Variants in ZBTB20 observed in about 807,000 individuals in gnomAD.
The protein encoded by ZBTB20 is zinc finger and BTB domain-containing protein 20.
Under a neutral mutation model 56.9 loss-of-function variants are expected in ZBTB20, and 9 were observed. The ratio of observed to expected loss-of-function variants is 0.16; its 90% CI spans 0.10 to 0.28. ZBTB20 has a LOEUF of 0.28. Ranked by LOEUF, ZBTB20 falls within the 10% of genes least tolerant of loss-of-function variation. The pLI, the probability that ZBTB20 is intolerant of heterozygous loss-of-function variation, is 1.00. For missense variants in ZBTB20, 655 were observed against 1,003.0 expected, an observed-to-expected ratio of 0.65 and a Z score of 4.69; for synonymous variants, 417 against 420.7, an observed-to-expected ratio of 0.99 and a Z score of 0.11.
At chr3:114,344,994 A>G (rs990507477) in intron 11 of ZBTB20, among the ~76,000 whole-genome samples, 6 of 152,200 alleles carry the variant, frequency 3.9e-5, no homozygotes, top group African/African-American at 9.7e-5. Flanking sequence ...AAAAAACACG[A>G]AAGTGTGAAC....
chr3:115,002,525 G>A (rs2079294965), intron 2 of ZBTB20, among the ~76,000 whole-genome samples: 1 of 151,592 alleles, frequency 6.6e-6, no homozygotes, highest in Admixed American at 6.6e-5. Context: ...TGATTAAAAT[G>A]TGAGCAAAAG....
intron 6 of ZBTB20, among the ~76,000 whole-genome samples, chr3:114,629,225 G>A (rs2058804076): frequency 6.6e-6 from 1 of 151,988 alleles, no homozygotes; most frequent in African/African-American, 2.4e-5. Context: ...TTTCCCATTT[G>A]TAAAATAGGG....
intron 6 of ZBTB20, among the ~76,000 whole-genome samples, chr3:114,595,529 G>A (rs1372889156): frequency 1.3e-5 from 2 of 152,202 alleles, no homozygotes; most frequent in Middle Eastern, 3.2e-3. Context: ...TCAAGATTGA[G>A]ATCCATCCAA....
At chr3:114,975,699 T>G (rs928181514) in intron 2 of ZBTB20, among the ~76,000 whole-genome samples, 1 of 152,094 alleles carries the variant, frequency 6.6e-6, no homozygotes, top group Non-Finnish European at 1.5e-5. Context: ...GAACAATTAA[T>G]GATGAAGAAA....
chr3:114,331,512 C>T lies in ZBTB20; in HGVS notation c.*7493G>A, dbSNP rs549781325. 2.6e-5 allele frequency: 4 copies of T among 152,318 alleles called. No homozygotes were observed. The South Asian group carries it at 8.3e-4, about 32-fold the overall frequency. The allele number at this position is 152,318 out of a possible 1,614,324, so 9.4% of individuals were successfully genotyped here. On this transcript the variant is annotated 3_prime_UTR_variant, in exon 12 of 12. Coordinates refer to ENST00000675478, the MANE Select transcript of ZBTB20 (RefSeq NM_001348800.3). ...CAACTGTATCTATGCACGAGGACCTCTGCCTGTGTGTGCTTCCTTTGGGGG... is the reference window on the plus strand; with the variant it reads ...CAACTGTATCTATGCACGAGGACCTTTGCCTGTGTGTGCTTCCTTTGGGGG...
chr3:114,350,031 C>T (rs1230048351), intron 11 of ZBTB20, among the ~76,000 whole-genome samples: 1 of 152,060 alleles, frequency 6.6e-6, no homozygotes, highest in Non-Finnish European at 1.5e-5. Flanking sequence ...CTTCTGCAGT[C>T]TGGACATCCC....
intron 7 of ZBTB20, among the ~76,000 whole-genome samples, chr3:114,432,072 T>C (rs987296518): frequency 3.3e-5 from 5 of 151,942 alleles, no homozygotes; most frequent in African/African-American, 1.2e-4. Context: ...AACCACACAC[T>C]TATATTTTGC....
intron 7 of ZBTB20, among the ~76,000 whole-genome samples, chr3:114,393,851 C>T (rs17671548): frequency 0.015 from 2,347 of 152,212 alleles, 37 homozygotes; most frequent in Non-Finnish European, 0.025. Context: ...GTGTCAGAGG[C>T]GAACAGACAG....
chr3:115,111,045 T>TAAATAAATAAAA (rs1354576673), intron 1 of ZBTB20, among the ~76,000 whole-genome samples: 6 of 131,534 alleles, frequency 4.6e-5, no homozygotes, highest in African/African-American at 8.5e-5. Flanking sequence ...AATAAATAAA[T>TAAATAAATAAAA]AAAAATAAAA....
intron 4 of ZBTB20, among the ~76,000 whole-genome samples, chr3:114,804,870 A>G (rs2071985442): frequency 6.6e-6 from 1 of 151,924 alleles, no homozygotes; most frequent in Admixed American, 6.6e-5. Flanking sequence ...CACATCAAAA[A>G]TAATAGTAAT....
intron 2 of ZBTB20, among the ~76,000 whole-genome samples, chr3:115,068,220 T>C (rs966282069): frequency 6.6e-6 from 1 of 152,004 alleles, no homozygotes; most frequent in South Asian, 2.1e-4. Flanking sequence ...GTATGTATTG[T>C]ATAGTATATA....
chr3:115,061,750 C>A (rs549270383), intron 2 of ZBTB20, among the ~76,000 whole-genome samples: 1 of 152,210 alleles, frequency 6.6e-6, no homozygotes, highest in African/African-American at 2.4e-5. Flanking sequence ...AATCAGAACA[C>A]ATTTTCACAA....
intron 4 of ZBTB20, among the ~76,000 whole-genome samples, chr3:114,853,359 T>C (rs2075093670): frequency 6.6e-6 from 1 of 152,236 alleles, no homozygotes; most frequent in Non-Finnish European, 1.5e-5. Flanking sequence ...AAATATCCCA[T>C]GGTTTCTGAT....
chr3:114,972,981 T>C (rs543826608), intron 3 of ZBTB20, among the ~76,000 whole-genome samples: 2 of 152,286 alleles, frequency 1.3e-5, no homozygotes, highest in Admixed American at 6.5e-5. Context: ...AATAATCTTA[T>C]GGGGCAAGGC....
intron 2 of ZBTB20, among the ~76,000 whole-genome samples, chr3:115,021,330 C>A (rs1576584703): frequency 6.6e-6 from 1 of 150,822 alleles, no homozygotes; most frequent in African/African-American, 2.4e-5. Flanking sequence ...AGCTTACTTA[C>A]TGAAAACGCA....
chr3:114,376,655 A>C (rs2083669699), intron 10 of ZBTB20, among the ~76,000 whole-genome samples: 3 of 152,204 alleles, frequency 2.0e-5, no homozygotes, highest in Non-Finnish European at 2.9e-5. Context: ...TACGGAGCTA[A>C]AGTTAAACCC....
intron 3 of ZBTB20, among the ~76,000 whole-genome samples, chr3:114,910,738 A>G (rs1163889486): frequency 2.0e-5 from 3 of 152,058 alleles, no homozygotes; most frequent in Admixed American, 6.6e-5. Flanking sequence ...CATAAAATTA[A>G]TAAGTAGCAG....
chr3:115,082,716 C>T (rs1348570734), intron 1 of ZBTB20, among the ~76,000 whole-genome samples: 1 of 151,974 alleles, frequency 6.6e-6, no homozygotes, highest in Non-Finnish European at 1.5e-5. Context: ...ATTTTCTACA[C>T]AGATGGTTTC....
At chr3:114,475,965 T>C (rs1183106298) in intron 7 of ZBTB20, among the ~76,000 whole-genome samples, 1 of 152,116 alleles carries the variant, frequency 6.6e-6, no homozygotes, top group Admixed American at 6.6e-5. Flanking sequence ...GAAATTCATA[T>C]TTTTCTGAAT....
Sources: allele counts gnomAD v4.1 joint callset (sites outside exome capture counted in the v4.1 genomes callset), GRCh38; gene constraint gnomAD v4.1.1; transcripts MANE v1.5; gene names NCBI Gene and HGNC (gene_info 2026-07-23, HGNC 2026-07-21).